THSD4: variants seen among roughly 807,000 people sequenced by gnomAD.
The protein encoded by THSD4 is thrombospondin type-1 domain-containing protein 4.
A neutral mutation model predicts 119.0 loss-of-function variants in THSD4; 69 were observed. The ratio of observed to expected loss-of-function variants is 0.58; its 90% CI spans 0.48 to 0.71. The LOEUF is 0.71. THSD4 is among the 30% of genes least tolerant of loss of function. THSD4 has a pLI of 0.00. For missense variants in THSD4, 1,393 were observed against 1,391.1 expected (o/e 1.00, Z -0.02); for synonymous variants, 524 against 540.4 (o/e 0.97, Z 0.42).
chr15:71,633,269 C>CTTT (rs67682951), intron 7 of THSD4, among the ~76,000 whole-genome samples: 1,685 of 62,754 alleles, frequency 0.027, 37 homozygotes, highest in African/African-American at 0.042. Flanking sequence ...TTCTTTCTTT[C>CTTT]TTTTTTTTTT....
At chr15:71,358,807 C>T (rs1457333509) in intron 6 of THSD4, among the ~76,000 whole-genome samples, 1 of 152,162 alleles carries the variant, frequency 6.6e-6, no homozygotes, top group African/African-American at 2.4e-5. Context: ...TTCTCTGAAC[C>T]TTGGCTTCCT....
intron 7 of THSD4, among the ~76,000 whole-genome samples, chr15:71,555,960 C>T (rs62022768): frequency 0.35 from 52,580 of 152,002 alleles, 10,529 homozygotes; most frequent in South Asian, 0.48. Context: ...ACCAAGTTTC[C>T]ATATATATGT....
intron 6 of THSD4, among the ~76,000 whole-genome samples, chr15:71,283,260 C>T (rs34729531): frequency 0.25 from 37,547 of 152,076 alleles, 5,075 homozygotes; most frequent in East Asian, 0.56. Flanking sequence ...TGAGCCATCG[C>T]GCCCGGCCAG....
intron 17 of THSD4, among the ~76,000 whole-genome samples, chr15:71,774,323 A>AAC (rs144169674): frequency 0.46 from 68,566 of 147,720 alleles, 19,072 homozygotes; most frequent in Non-Finnish European, 0.61. Context: ...AAAAAAAAAA[A>AAC]AAAACTACAA....
chr15:71,560,992 T>G (rs1279201237), intron 7 of THSD4, among the ~76,000 whole-genome samples: 3 of 86,314 alleles, frequency 3.5e-5, no homozygotes, highest in Admixed American at 2.4e-4. Context: ...TTTTTTTTTT[T>G]GAGATGGAGT....
At chr15:71,384,298 A>G (rs577090084) in intron 6 of THSD4, among the ~76,000 whole-genome samples, 6 of 152,268 alleles carry the variant, frequency 3.9e-5, no homozygotes, top group African/African-American at 1.4e-4. Context: ...GAATGGCGTG[A>G]ACCCCGGAGG....
chr15:71,106,722 T>C (rs1178171697), intron 1 of THSD4, among the ~76,000 whole-genome samples: 4 of 152,134 alleles, frequency 2.6e-5, no homozygotes, highest in African/African-American at 4.8e-5. Flanking sequence ...GTGGGAGATT[T>C]GATGCTGTAC....
At chr15:71,687,839 A>T (rs949672553) in intron 8 of THSD4, among the ~76,000 whole-genome samples, 2 of 152,046 alleles carry the variant, frequency 1.3e-5, no homozygotes, top group African/African-American at 4.8e-5. Context: ...GAATGCAAAT[A>T]TTTGGAAATT....
chr15:71,451,178 A>G (rs961743259), intron 7 of THSD4, among the ~76,000 whole-genome samples: 3 of 152,162 alleles, frequency 2.0e-5, no homozygotes, highest in Non-Finnish European at 2.9e-5. Context: ...ACTCCCTCTC[A>G]AAGAAAAAAA....
chr15:71,340,449 A>G (rs1183426756), intron 6 of THSD4, among the ~76,000 whole-genome samples: 1 of 152,122 alleles, frequency 6.6e-6, no homozygotes, highest in Non-Finnish European at 1.5e-5. Context: ...AACCAAATCC[A>G]TGAGGGATGA....
chr15:71,716,247 A>G (rs8037433), intron 8 of THSD4, among the ~76,000 whole-genome samples: 115,494 of 152,044 alleles, frequency 0.76, 47,347 homozygotes, highest in South Asian at 0.94. Context: ...TTCTAAGGAC[A>G]CCAGTCATAC....
intron 17 of THSD4, among the ~76,000 whole-genome samples, chr15:71,773,604 G>A (rs1165776833): frequency 6.6e-6 from 1 of 152,224 alleles, no homozygotes; most frequent in African/African-American, 2.4e-5. Context: ...ATTCTTTGAT[G>A]TGCCTCAAAA....
intron 6 of THSD4, among the ~76,000 whole-genome samples, chr15:71,407,149 TG>T (rs1432819137): frequency 1.3e-5 from 2 of 152,236 alleles, no homozygotes; most frequent in Non-Finnish European, 2.9e-5. Flanking sequence ...TTTGCTTTTA[TG>T]GAAGAGTTGA....
At chr15:71,366,139 T>C (rs2045959656) in intron 6 of THSD4, among the ~76,000 whole-genome samples, 1 of 152,132 alleles carries the variant, frequency 6.6e-6, no homozygotes. Flanking sequence ...AGTGGCGTGA[T>C]CTCGGCTCAC....
intron 7 of THSD4, among the ~76,000 whole-genome samples, chr15:71,436,662 CAA>C: frequency 6.6e-6 from 1 of 152,062 alleles, no homozygotes; most frequent in Middle Eastern, 3.4e-3. Flanking sequence ...TGAATATCAA[CAA>C]AAGACAGATT....
intron 1 of THSD4, among the ~76,000 whole-genome samples, chr15:71,097,726 A>T (rs935366134): frequency 1.2e-4 from 16 of 133,158 alleles, no homozygotes; most frequent in African/African-American, 4.5e-4. Context: ...ATATATATAT[A>T]TATTTTTTTT....
chr15:71,316,084 A>G (rs2045182894), intron 6 of THSD4, among the ~76,000 whole-genome samples: 1 of 152,166 alleles, frequency 6.6e-6, no homozygotes, highest in African/African-American at 2.4e-5. Flanking sequence ...GATAACTTCA[A>G]AGTTATCCCT....
chr15:71,682,065 AC>A (rs892445854), intron 8 of THSD4, among the ~76,000 whole-genome samples: 1 of 151,632 alleles, frequency 6.6e-6, no homozygotes, highest in Non-Finnish European at 1.5e-5. Context: ...GTGAAATCCG[AC>A]CCCCCCTGGA....
chr15:71,260,907 C>G (rs2044389104), intron 6 of THSD4, among the ~76,000 whole-genome samples: 1 of 152,146 alleles, frequency 6.6e-6, no homozygotes, highest in Non-Finnish European at 1.5e-5. Context: ...TCGAGACCAG[C>G]CTGACCAACG....
Sources: allele counts gnomAD v4.1 joint callset (sites outside exome capture counted in the v4.1 genomes callset), GRCh38; gene constraint gnomAD v4.1.1; transcripts MANE v1.5; gene names NCBI Gene and HGNC (gene_info 2026-07-23, HGNC 2026-07-21).